Variants in MFSD6 observed in about 807,000 individuals in gnomAD.
MFSD6 encodes major facilitator superfamily domain-containing protein 6.
Under a neutral mutation model 56.3 loss-of-function variants are expected in MFSD6, and 26 were observed. The observed-to-expected ratio is 0.46, with a 90% CI of 0.34 to 0.64. The LOEUF (loss-of-function observed/expected upper bound fraction) is 0.64, where lower values mean the gene tolerates loss of function less well. Among genes scored for constraint, MFSD6 ranks in the 30% least tolerant of loss-of-function variants. The probability of loss-of-function intolerance (pLI) is 0.01; values close to 1 mark genes in which losing one functional copy is unlikely to be tolerated. For missense variants in MFSD6, 750 were observed against 986.2 expected (o/e 0.76, Z 3.21); for synonymous variants, 331 against 366.9 (o/e 0.90, Z 1.12).
chr2:190,482,868 C>CTTTTTTTTTTTTTTTT (rs199927176), intron 4 of MFSD6, among the ~76,000 whole-genome samples: 2 of 48,292 alleles, frequency 4.1e-5, no homozygotes, highest in East Asian at 7.0e-4. Flanking sequence ...AGACTATCAT[C>CTTTTTTTTTTTTTTTT]TTTTTTTTTT....
chr2:190,420,120 G>C (rs904946111), intron 2 of MFSD6, among the ~76,000 whole-genome samples: 3 of 134,830 alleles, frequency 2.2e-5, no homozygotes, highest in African/African-American at 8.3e-5. Context: ...TAACTGAATT[G>C]ATTCATGTTC....
rs1690820110 is a variant in MFSD6 at position 190,417,351 on chromosome 2, C to A, written c.-54+1938C>A. Among the ~76,000 whole-genome samples the A allele has an allele frequency of 6.6e-6, 1 of 152,202 alleles. No homozygotes were observed. Among genetic ancestry groups the A allele is most frequent in the Admixed American group, 6.5e-5 (1 of 15,288 alleles). On this transcript the variant is annotated intron_variant, in intron 2 of 7. Coordinates refer to ENST00000392328, the MANE Select transcript of MFSD6 (RefSeq NM_017694.4). The surrounding 1 kb of genome is among the most constrained non-coding windows in gnomAD (Gnocchi z 5.7). ...AGTAGCAAAACCCTGCCAATCTATTCATCCTTTAAGATTGGCTCGAGGCCC... is the reference window on the plus strand; with the variant it reads ...AGTAGCAAAACCCTGCCAATCTATTAATCCTTTAAGATTGGCTCGAGGCCC...
Position 190,463,714 on chromosome 2 carries a change from G to A in MFSD6, c.1533-6044G>A, listed in dbSNP as rs56342910. On this transcript the variant is annotated intron_variant, in intron 3 of 7. Transcript: ENST00000392328. This position sits in a 1 kb window ranked among gnomAD's most constrained non-coding sequence, Gnocchi z 4.4. ...GCACACCTGTAGTCCCAGCTACTTG[G>A]GGGGCTGAGGTGGGAGGATCACCTG... 1 of 192,804 alleles carries A rather than the reference G, an allele frequency of 5.2e-6. No homozygotes were observed. The highest frequency in any genetic ancestry group is 1.8e-4 in the South Asian group (1 of 5,568). The allele number at this position is 192,804 out of a possible 1,614,324, so 11.9% of individuals were successfully genotyped here.
In MFSD6 at chr2:190,413,912, C is replaced by A. The variant is rs151334044; in HGVS notation, c.-175-1380C>A. Among the ~76,000 whole-genome samples, 1,135 of 152,258 alleles carry A rather than the reference C, an allele frequency of 7.5e-3. 17 individuals are homozygous for A. The highest frequency in any genetic ancestry group is 0.026 in the African/African-American group (1,060 of 41,530). On this transcript the variant is annotated intron_variant, in intron 1 of 7. Transcript: ENST00000392328. The surrounding 1 kb of genome is among the most constrained non-coding windows in gnomAD (Gnocchi z 4.1). ...CTGGAGCAGTGGCAGGAGTGGGTCC[C>A]TGTGAGTCACGCTGGGAATTCTTAA...
chr2:190,436,605 A>G lies in MFSD6; in HGVS notation c.576A>G (p.Ser192=). ...NSSFTSFLTI[S]PKMREKRNLL... Reference sequence around the variant, plus strand: ...CCTTTACCTCTTTCCTCACCATATCACCAAAAATGCGTGAGAAAAGAAACC... The same window carrying G: ...CCTTTACCTCTTTCCTCACCATATCGCCAAAAATGCGTGAGAAAAGAAACC... Residue 192 remains serine (S), a synonymous_variant, in exon 3 of 8, where the codon TCA becomes TCG. Transcript: ENST00000392328. This position sits in a 1 kb window ranked among gnomAD's most constrained non-coding sequence, Gnocchi z 5.3. 2 of 1,614,134 alleles carry G rather than the reference A, an allele frequency of 1.2e-6. No homozygotes were observed. The highest frequency in any genetic ancestry group is 1.7e-6 in the Non-Finnish European group (2 of 1,180,020).
Position 190,488,165 on chromosome 2 carries a change from T to C in MFSD6, c.1631-492T>C, listed in dbSNP as rs1195620831. Among the ~76,000 whole-genome samples the C allele has an allele frequency of 2.0e-5, 3 of 152,252 alleles. No homozygotes were observed. The highest frequency in any genetic ancestry group is 4.4e-5 in the Non-Finnish European group (3 of 68,050). On this transcript the variant is annotated intron_variant, in intron 4 of 7. Transcript: ENST00000392328. This position sits in a 1 kb window ranked among gnomAD's most constrained non-coding sequence, Gnocchi z 6.4. Reference sequence around the variant, plus strand: ...ATCCACCCGCCTCGGCCTCCCAAAGTGCTGGGATTACAGGCGTGAGCCACT... The same window carrying C: ...ATCCACCCGCCTCGGCCTCCCAAAGCGCTGGGATTACAGGCGTGAGCCACT...
chr2:190,438,229 T>C lies in MFSD6; in HGVS notation c.1532+668T>C, dbSNP rs1408181866. 1.7e-4 allele frequency among the ~76,000 whole-genome samples: 26 copies of C among 148,842 alleles called. No individual in the cohort carries two copies. The highest frequency in any genetic ancestry group is 1.5e-3 in the Admixed American group (23 of 14,900). On this transcript the variant is annotated intron_variant, in intron 3 of 7. Transcript: ENST00000392328. This position sits in a 1 kb window ranked among gnomAD's most constrained non-coding sequence, Gnocchi z 5.2. ...TCTTTTAGTTATAAAAAAAAAAATC[T>C]ATAGGCTGGGCACAGTGGCTCACAC...
intron 3 of MFSD6, among the ~76,000 whole-genome samples, chr2:190,441,466 C>T (rs1192936535): frequency 7.3e-6 from 1 of 137,306 alleles, no homozygotes; most frequent in African/African-American, 2.8e-5. Context: ...GGGAGGATTA[C>T]AGGAAAGGAG....
rs1191571924 is a variant in MFSD6 at position 190,431,604 on chromosome 2, C to A, written c.-53-4373C>A. 9.9e-5 allele frequency among the ~76,000 whole-genome samples: 15 copies of A among 152,164 alleles called. 1 individual carries two copies. Among genetic ancestry groups the A allele is most frequent in the Admixed American group, 9.8e-4 (15 of 15,274 alleles). ...CCTGCAATCGCAGGCACTTGGCAGGCTGAGGCAGGGGAATCAGGCAGGGAG... is the reference window on the plus strand; with the variant it reads ...CCTGCAATCGCAGGCACTTGGCAGGATGAGGCAGGGGAATCAGGCAGGGAG... On this transcript the variant is annotated intron_variant, in intron 2 of 7. Coordinates refer to ENST00000392328, the MANE Select transcript of MFSD6 (RefSeq NM_017694.4). This position sits in a 1 kb window ranked among gnomAD's most constrained non-coding sequence, Gnocchi z 4.4.
At position 190,490,185 on chromosome 2, in the gene MFSD6, A is replaced by AT. The variant is rs556187105; in HGVS notation, c.1891+320dup. 1.8e-4 allele frequency among the ~76,000 whole-genome samples: 28 copies of AT among 152,262 alleles called. No homozygotes were observed. Among genetic ancestry groups the AT allele is most frequent in the African/African-American group, 6.5e-4 (27 of 41,542 alleles). On this transcript the variant is annotated intron_variant, in intron 6 of 7. Coordinates refer to ENST00000392328, the MANE Select transcript of MFSD6 (RefSeq NM_017694.4). This position sits in a 1 kb window ranked among gnomAD's most constrained non-coding sequence, Gnocchi z 4.5. Reference sequence around the variant, plus strand: ...GGTTTTTCAAATTTAAGTCAAATACATATAAGGCTATACAGTCATTTTGCT... The same window carrying AT: ...GGTTTTTCAAATTTAAGTCAAATACATTATAAGGCTATACAGTCATTTTGCT...
rs1690498334 is a variant in MFSD6 at position 190,410,192 on chromosome 2, G to A, written c.-176+1689G>A. On this transcript the variant is annotated intron_variant, in intron 1 of 7. Coordinates refer to ENST00000392328, the MANE Select transcript of MFSD6 (RefSeq NM_017694.4). The surrounding 1 kb of genome is among the most constrained non-coding windows in gnomAD (Gnocchi z 4.4). ...GTGTCTGGACTATTAACAGTATTAA[G>A]GCATTTTTTTGGGTACTTATTATGT... is the stretch of plus-strand genomic sequence containing the variant. 2.0e-5 allele frequency among the ~76,000 whole-genome samples: 3 copies of A among 152,128 alleles called. No homozygotes were observed. The South Asian group carries it at 6.2e-4, about 32-fold the overall frequency.
chr2:190,427,854 C>T (rs971395261), intron 2 of MFSD6, among the ~76,000 whole-genome samples: 6 of 152,120 alleles, frequency 3.9e-5, no homozygotes, highest in African/African-American at 1.4e-4. Flanking sequence ...GTCTCAGCCT[C>T]CTGAGTAGCT....
chr2:190,448,981 G>A (rs1686678904), intron 3 of MFSD6, among the ~76,000 whole-genome samples: 1 of 152,162 alleles, frequency 6.6e-6, no homozygotes, highest in African/African-American at 2.4e-5. Flanking sequence ...CATAGTTATA[G>A]CTGTATATGT....
Position 190,416,168 on chromosome 2 carries a change from A to G in MFSD6, c.-54+755A>G, listed in dbSNP as rs1045231656. 2.0e-5 allele frequency among the ~76,000 whole-genome samples: 3 copies of G among 152,226 alleles called. No individual in the cohort carries two copies. Among genetic ancestry groups the G allele is most frequent in the East Asian group, 1.9e-4 (1 of 5,204 alleles). On this transcript the variant is annotated intron_variant, in intron 2 of 7. Transcript: ENST00000392328. This position sits in a 1 kb window ranked among gnomAD's most constrained non-coding sequence, Gnocchi z 4.1. ...TCATGATGGCTGATAAGGTCTGAGGAACCTAAATTATAAATTTTTAATTGA... is the reference window on the plus strand; with the variant it reads ...TCATGATGGCTGATAAGGTCTGAGGGACCTAAATTATAAATTTTTAATTGA...
At position 190,469,886 on chromosome 2, in the gene MFSD6, C is replaced by A. The variant is rs879111919; in HGVS notation, c.1630+31C>A. 1 of 1,493,366 alleles carries A rather than the reference C, an allele frequency of 6.7e-7. No homozygotes were observed. The highest frequency in any genetic ancestry group is 1.2e-5 in the South Asian group (1 of 86,478). 92.5% of individuals were successfully genotyped at this position (1,493,366 alleles called of 1,614,324 possible). A position where few individuals can be genotyped will look rare whatever the true frequency, so the allele number is the denominator to read the frequency against. On this transcript the variant is annotated intron_variant, in intron 4 of 7. Coordinates refer to ENST00000392328, the MANE Select transcript of MFSD6 (RefSeq NM_017694.4). This position sits in a 1 kb window ranked among gnomAD's most constrained non-coding sequence, Gnocchi z 5.3. ...TTAACAGCTGGGATTGAAATTATTT[C>A]TCTGCCTTCCCTGAGCTGTGGCTAA... is the stretch of plus-strand genomic sequence containing the variant.
At position 190,500,195 on chromosome 2, in the gene MFSD6, C is replaced by T; in HGVS notation, c.2353C>T (p.Gln785Ter). 6.2e-7 allele frequency: 1 copy of T among 1,614,144 alleles called. No individual in the cohort carries two copies. The highest frequency in any genetic ancestry group is 8.5e-7 in the Non-Finnish European group (1 of 1,180,030). Residue 785 changes from glutamine (Q) to a stop codon, truncating the protein, a stop_gained, in exon 8 of 8, where the codon CAG becomes TAG. Transcript: ENST00000392328. LOFTEE classifies it high-confidence loss of function. This position sits in a 1 kb window ranked among gnomAD's most constrained non-coding sequence, Gnocchi z 5.3. ...CTEESEEQQA[Q>*]LAAGGH ...AGAGGAGAGTGAAGAGCAGCAGGCTCAGCTGGCCGCGGGAGGACACTGAGG... is the reference window on the plus strand; with the variant it reads ...AGAGGAGAGTGAAGAGCAGCAGGCTTAGCTGGCCGCGGGAGGACACTGAGG...
chr2:190,447,383 A>G lies in MFSD6; in HGVS notation c.1532+9822A>G, dbSNP rs1175986456. On this transcript the variant is annotated intron_variant, in intron 3 of 7. Transcript: ENST00000392328. The surrounding 1 kb of genome is among the most constrained non-coding windows in gnomAD (Gnocchi z 4.5). ...TGGATTTCATTTTTAATTTTGTGCC[A>G]ACTAGAGAGCTTTGGATTTGTTAAA... Among the ~76,000 whole-genome samples, 1 of 152,190 alleles carries G rather than the reference A, an allele frequency of 6.6e-6. No individual in the cohort carries two copies. The highest frequency in any genetic ancestry group is 2.4e-5 in the African/African-American group (1 of 41,448).
At chr2:190,430,576 A>G in intron 2 of MFSD6, among the ~76,000 whole-genome samples, 1 of 152,104 alleles carries the variant, frequency 6.6e-6, no homozygotes. Flanking sequence ...TTAGTACAGA[A>G]CAAAATGAAA....
At chr2:190,430,820 ACGGGGCGGCCGGCCGGG>A (rs953300858) in intron 2 of MFSD6, among the ~76,000 whole-genome samples, 1 of 63,832 alleles carries the variant, frequency 1.6e-5, no homozygotes, top group Admixed American at 2.1e-4. Context: ...TCCCTCCCGG[ACGGGGCGGCCGGCCGGG>A]CGGGGGCTGA....
Sources: gnomAD v4.1 joint callset for allele counts (sites outside exome capture counted in the v4.1 genomes callset) on GRCh38, gnomAD v4.1.1 for gene constraint, Gnocchi (gnomAD v3.1) non-coding constraint, MANE v1.5 for transcripts, NCBI Gene and HGNC (gene_info 2026-07-23, HGNC 2026-07-21) for gene names.